The following PML variants were observed in gnomAD, a reference collection of about 807,000 sequenced individuals.
PML encodes PML nuclear body scaffold, also known as protein PML.
In PML, 28 loss-of-function variants were observed where a neutral mutation model predicts 65.2. The observed-to-expected ratio is 0.43, with a 90% CI of 0.32 to 0.59. The LOEUF is 0.59. Among genes scored for constraint, PML ranks in the 20% least tolerant of loss-of-function variants. The probability of loss-of-function intolerance (pLI) is 0.08; values close to 1 mark genes in which losing one functional copy is unlikely to be tolerated. For synonymous variants in PML, 500 were observed against 508.8 expected, an observed-to-expected ratio of 0.98 and a Z score of 0.23; for missense variants, 1,021 against 1,203.4, an observed-to-expected ratio of 0.85 and a Z score of 2.24.
At position 74,044,411 on chromosome 15, in the gene PML, C is replaced by T. The variant is rs2071747908; in HGVS notation, c.2052C>T (p.Leu684=). ...LACYKLWGPG[L]PNFFRALEDI... is the part of the protein sequence containing the mutation. ...GCTACAAGCTGTGGGGGCCTGGCCT[C>T]CCAAACTTCTTCCGGGCCCTGGAGG... Residue 684 remains leucine, a synonymous_variant, in exon 9 of 9, where the codon CTC becomes CTT. Transcript: ENST00000268058. 6.2e-7 allele frequency: 1 copy of T among 1,614,082 alleles called. No individual in the cohort carries two copies. The highest frequency in any genetic ancestry group is 1.1e-5 in the South Asian group (1 of 91,090).
chr15:74,024,976 C>G, intron 4 of PML, 49 bp downstream of exon 4: 3 of 1,329,598 alleles, frequency 2.3e-6, no homozygotes, highest in Non-Finnish European at 3.3e-6. Flanking sequence ...CCCAGCAGGT[C>G]AGGCAGGTTG....
chr15:74,033,520 G>A (rs746251031), intron 6 of PML, 106 bp downstream of exon 6: 4 of 1,213,566 alleles, frequency 3.3e-6, no homozygotes, highest in South Asian at 1.2e-5. Flanking sequence ...GCCAACAGGA[G>A]TCCCTTATTC....
chr15:74,018,876 T>G (rs575731013), intron 2 of PML, among the ~76,000 whole-genome samples: 23 of 152,362 alleles, frequency 1.5e-4, no homozygotes, highest in Non-Finnish European at 3.2e-4. Flanking sequence ...CGGTTAAGTC[T>G]GGGTTCTTGT....
chr15:74,004,431 G>A (rs1236662337), intron 2 of PML, among the ~76,000 whole-genome samples: 1 of 152,102 alleles, frequency 6.6e-6, no homozygotes, highest in African/African-American at 2.4e-5. Flanking sequence ...TCTCTGAGTA[G>A]CTAGGACTAT....
chr15:74,002,357 G>GTATA (rs1369535403), intron 2 of PML, among the ~76,000 whole-genome samples: 6 of 148,194 alleles, frequency 4.0e-5, no homozygotes, highest in Non-Finnish European at 7.4e-5. Flanking sequence ...ATATCTATAT[G>GTATA]TATATATCCA....
chr15:74,006,390 C>CAAAAAAAAAAAA (rs372202858), intron 2 of PML, among the ~76,000 whole-genome samples: 1 of 87,536 alleles, frequency 1.1e-5, no homozygotes, highest in Non-Finnish European at 2.1e-5. Flanking sequence ...GACTCCGTCT[C>CAAAAAAAAAAAA]AAAAAAAAAA....
rs190536709 is a variant in PML at position 74,035,746 on chromosome 15, A to C, written c.1710+1216A>C. 1.7e-5 allele frequency: 27 copies of C among 1,614,124 alleles called. No homozygotes were observed. In the African/African-American group the frequency reaches 3.3e-4, roughly 20 times the overall value. ...TTCTCCTCCATGGCTTCCCAGCTTGACATGTCTTCCGTGGTGGGGGCAGGG... is the reference window on the plus strand; with the variant it reads ...TTCTCCTCCATGGCTTCCCAGCTTGCCATGTCTTCCGTGGTGGGGGCAGGG... On this transcript the variant is annotated intron_variant, in intron 7 of 8. Coordinates refer to ENST00000268058, the MANE Select transcript of PML (RefSeq NM_033238.3). The surrounding 1 kb of genome is among the most constrained non-coding windows in gnomAD (Gnocchi z 4.1).
intron 2 of PML, among the ~76,000 whole-genome samples, chr15:74,013,310 A>G (rs1473105694): frequency 2.0e-5 from 3 of 152,196 alleles, no homozygotes; most frequent in Admixed American, 6.5e-5. Context: ...GTAATATAAC[A>G]GTACTACTAC....
At chr15:74,010,090 T>A (rs951992003) in intron 2 of PML, among the ~76,000 whole-genome samples, 3 of 151,488 alleles carry the variant, frequency 2.0e-5, no homozygotes, top group African/African-American at 7.3e-5. Flanking sequence ...TATAGCTTAC[T>A]GAAGCCTTGA....
rs747678613 is a variant in PML at position 73,998,282 on chromosome 15, C to T, written c.408C>T (p.Ala136=). 3 of 1,614,076 alleles carry T rather than the reference C, an allele frequency of 1.9e-6. No homozygotes were observed. The highest frequency in any genetic ancestry group is 2.7e-5 in the African/African-American group (2 of 74,938). ...QAVCTRCKES[A]DFWCFECEQL... The stretch of plus-strand genomic sequence containing the variant: ...TGTGCACCCGCTGCAAAGAGTCGGC[C>T]GACTTCTGGTGCTTTGAGTGCGAGC... Residue 136 remains alanine, a synonymous_variant, in exon 2 of 9, where the codon GCC becomes GCT. Coordinates refer to ENST00000268058, the MANE Select transcript of PML (RefSeq NM_033238.3).
rs2071773602 is a variant in PML, at chr15:74,046,624, G to T, written c.*1616G>T. 1 of 232,692 alleles carries T rather than the reference G, an allele frequency of 4.3e-6. No homozygotes were observed. Among genetic ancestry groups the T allele is most frequent in the African/African-American group, 2.2e-5 (1 of 45,324 alleles). The allele number at this position is 232,692 out of a possible 1,614,324, so 14.4% of individuals were successfully genotyped here. ...AGGCGCTGGTTCTGAAGCACCGATG[G>T]AAACAGATTGATGCAGATGGAAGGA... is the stretch of plus-strand genomic sequence containing the variant. On this transcript the variant is annotated 3_prime_UTR_variant, in exon 9 of 9. Coordinates refer to ENST00000268058, the MANE Select transcript of PML (RefSeq NM_033238.3).
intron 4 of PML, among the ~76,000 whole-genome samples, chr15:74,030,372 G>A (rs929862426): frequency 6.6e-6 from 1 of 152,216 alleles, no homozygotes; most frequent in Non-Finnish European, 1.5e-5. Context: ...GATTTGGCCA[G>A]GTGTGGTGGC....
Position 74,022,978 on chromosome 15 carries a change from T to C in PML, c.753T>C (p.Asp251=), listed in dbSNP as rs267604312. The part of the protein sequence containing the change: ...DAMTQALQEQ[D]SAFGAVHAQM... ...TGACGCAGGCGCTGCAGGAGCAGGA[T>C]AGTGCCTTTGGCGCGGTTCACGCGC... The change falls in exon 3 of 9, where the codon GAT becomes GAC. Residue 251 remains aspartate (D), a synonymous_variant. Transcript: ENST00000268058. The C allele has an allele frequency of 5.6e-6, 9 of 1,610,590 alleles. No homozygotes were observed. Among genetic ancestry groups the C allele is most frequent in the East Asian group, 2.2e-5 (1 of 44,788 alleles).
At chr15:74,032,459 C>G in intron 4 of PML, 113 bp from the exon 5 acceptor site, 1 of 1,119,910 alleles carries the variant, frequency 8.9e-7, no homozygotes, top group Non-Finnish European at 1.4e-6. Context: ...AGTCAGGGAG[C>G]CTGGACCTGT....
intron 2 of PML, among the ~76,000 whole-genome samples, chr15:74,003,503 C>G (rs546454663): frequency 1.3e-5 from 2 of 152,310 alleles, no homozygotes; most frequent in African/African-American, 4.8e-5. Context: ...TCATCTATCA[C>G]CACAAAGAGT....
chr15:74,032,424 T>A (rs2071362029), intron 4 of PML, 148 bp from the exon 5 acceptor site: 5 of 804,108 alleles, frequency 6.2e-6, no homozygotes, highest in Admixed American at 4.5e-5. Flanking sequence ...GAGGACTTCT[T>A]GTCCCCAGTG....
chr15:74,033,455 C>T, intron 6 of PML, 41 bp downstream of exon 6: 1 of 1,608,782 alleles, frequency 6.2e-7, no homozygotes, highest in South Asian at 1.1e-5. Flanking sequence ...TGCTGCCCGC[C>T]AGGGTCTGGG....
chr15:74,043,143 G>T lies in PML; in HGVS notation c.1861+4G>T. 1 of 1,613,778 alleles carries T rather than the reference G, an allele frequency of 6.2e-7. No individual in the cohort carries two copies. Among genetic ancestry groups the T allele is most frequent in the Non-Finnish European group, 8.5e-7 (1 of 1,179,980 alleles). On this transcript the variant is annotated splice_donor_region_variant and intron_variant, in intron 8 of 8. Coordinates refer to ENST00000268058, the MANE Select transcript of PML (RefSeq NM_033238.3). This position sits in a 1 kb window ranked among gnomAD's most constrained non-coding sequence, Gnocchi z 4.3. The stretch of plus-strand genomic sequence containing the variant: ...GACCTCAAGATTGACAATGAAAGTG[G>T]GTTCTCCTGGGGCTACCCCCACCCC...
intron 2 of PML, among the ~76,000 whole-genome samples, chr15:73,999,445 T>C (rs1488896441): frequency 2.0e-5 from 3 of 152,214 alleles, no homozygotes; most frequent in Admixed American, 2.0e-4. Context: ...GTGATTTGTT[T>C]CCTGCTTTAG....
Sources: gnomAD v4.1 joint callset for allele counts (sites outside exome capture counted in the v4.1 genomes callset) on GRCh38, gnomAD v4.1.1 for gene constraint, Gnocchi (gnomAD v3.1) non-coding constraint, MANE v1.5 for transcripts, NCBI Gene and HGNC (gene_info 2026-07-23, HGNC 2026-07-21) for gene names.